RPS6KC1: variants seen among roughly 807,000 people sequenced by gnomAD.
The protein encoded by RPS6KC1 is inactive ribosomal protein S6 kinase delta-1.
A neutral mutation model predicts 103.8 loss-of-function variants in RPS6KC1; 54 were observed. The observed-to-expected ratio is 0.52, with a 90% CI of 0.42 to 0.65. The LOEUF (loss-of-function observed/expected upper bound fraction) is 0.65, where lower values mean the gene tolerates loss of function less well. Among genes scored for constraint, RPS6KC1 ranks in the 30% least tolerant of loss-of-function variants. RPS6KC1 has a pLI of 0.00. For synonymous variants in RPS6KC1, 439 were observed against 438.7 expected, an observed-to-expected ratio of 1.00 and a Z score of -0.01; for missense variants, 1,151 against 1,253.8, an observed-to-expected ratio of 0.92 and a Z score of 1.24.
the RPS6KC1 span, among the ~76,000 whole-genome samples, chr1:213,657,732 G>T: frequency 2.6e-5 from 4 of 152,190 alleles, no homozygotes; most frequent in Non-Finnish European, 4.4e-5. Flanking sequence ...ACAGTTTCAT[G>T]ATAAGTGGTT....
the RPS6KC1 span, among the ~76,000 whole-genome samples, chr1:213,659,480 C>T: frequency 2.6e-5 from 4 of 152,068 alleles, no homozygotes; most frequent in Non-Finnish European, 5.9e-5. Context: ...TCTATTAGTA[C>T]CAGTTACCAA....
the RPS6KC1 span, among the ~76,000 whole-genome samples, chr1:213,849,732 C>T: frequency 6.6e-5 from 10 of 152,124 alleles, no homozygotes; most frequent in Non-Finnish European, 1.5e-4. Flanking sequence ...CTATGTTTTA[C>T]TTTTCATGAA....
At chr1:213,733,550 T>TTG in the RPS6KC1 span, among the ~76,000 whole-genome samples, 1 of 150,032 alleles carries the variant, frequency 6.7e-6, no homozygotes, top group African/African-American at 2.5e-5. Context: ...TTTAGTTTGT[T>TTG]TTTTTTTTTT....
At chr1:213,141,937 G>A (rs1446597592) in intron 6 of RPS6KC1, among the ~76,000 whole-genome samples, 3 of 151,472 alleles carry the variant, frequency 2.0e-5, no homozygotes, top group Admixed American at 6.6e-5. Flanking sequence ...CTGATATTCT[G>A]CCTCAATTAT....
chr1:213,635,971 A>G, the RPS6KC1 span, among the ~76,000 whole-genome samples: 1 of 152,236 alleles, frequency 6.6e-6, no homozygotes. Flanking sequence ...CTATACACCA[A>G]TAACAGACAA....
At chr1:213,833,854 A>T in the RPS6KC1 span, among the ~76,000 whole-genome samples, 745 of 152,244 alleles carry the variant, frequency 4.9e-3, 8 homozygotes, top group African/African-American at 0.017. Context: ...AAAACTTTTG[A>T]GTCTCATTTA....
chr1:213,121,081 C>A lies in RPS6KC1; in HGVS notation c.472+3671C>A, dbSNP rs962879911. ...TAGCTGGGACTACAGGCAGGCACAA[C>A]CATGCCTGGCTAATTTTTCTTTTTA... On this transcript the variant is annotated intron_variant, in intron 5 of 14. Coordinates refer to ENST00000366960, the MANE Select transcript of RPS6KC1 (RefSeq NM_012424.6). 6.8e-4 allele frequency among the ~76,000 whole-genome samples: 103 copies of A among 152,092 alleles called. 9 individuals carry two copies.
At chr1:213,693,676 T>C in the RPS6KC1 span, among the ~76,000 whole-genome samples, 14 of 152,204 alleles carry the variant, frequency 9.2e-5, no homozygotes, top group African/African-American at 3.4e-4. Context: ...AGAATCGCTG[T>C]TGTTCATTGC....
intron 6 of RPS6KC1, among the ~76,000 whole-genome samples, chr1:213,161,130 G>A (rs899786650): frequency 6.6e-6 from 1 of 152,120 alleles, no homozygotes; most frequent in East Asian, 1.9e-4. Flanking sequence ...ATGACCATGT[G>A]CCTGGAACAT....
At chr1:213,731,100 G>A in the RPS6KC1 span, among the ~76,000 whole-genome samples, 1 of 151,860 alleles carries the variant, frequency 6.6e-6, no homozygotes, top group African/African-American at 2.4e-5. Context: ...TTATTTCTGG[G>A]TTCTCTATTG....
the RPS6KC1 span, among the ~76,000 whole-genome samples, chr1:213,507,096 G>C: frequency 2.1e-3 from 321 of 152,262 alleles, no homozygotes; most frequent in African/African-American, 7.4e-3. Flanking sequence ...ATCAATGAAC[G>C]TATCAGCATT....
At chr1:213,135,326 T>A (rs1257298047) in intron 6 of RPS6KC1, among the ~76,000 whole-genome samples, 1 of 152,188 alleles carries the variant, frequency 6.6e-6, no homozygotes, top group Non-Finnish European at 1.5e-5. Context: ...TTGGTATCTC[T>A]TGTGTATTTT....
At chr1:213,093,484 A>G (rs1216976458) in intron 3 of RPS6KC1, among the ~76,000 whole-genome samples, 15 of 152,184 alleles carry the variant, frequency 9.9e-5, no homozygotes, top group Admixed American at 9.8e-4. Flanking sequence ...TCCTGGGATT[A>G]CAAGTGTGAG....
chr1:213,543,950 A>T, the RPS6KC1 span, among the ~76,000 whole-genome samples: 2 of 152,238 alleles, frequency 1.3e-5, no homozygotes, highest in Non-Finnish European at 2.9e-5. Flanking sequence ...TGAAGGGCTA[A>T]GTAACCCATT....
At chr1:213,271,716 A>T (rs1363342939) in intron 14 of RPS6KC1, among the ~76,000 whole-genome samples, 1 of 145,104 alleles carries the variant, frequency 6.9e-6, no homozygotes, top group African/African-American at 2.6e-5. Flanking sequence ...GTGAGTCGAG[A>T]TCGCGCCACT....
the RPS6KC1 span, among the ~76,000 whole-genome samples, chr1:213,283,188 C>T: frequency 3.3e-5 from 5 of 152,082 alleles, no homozygotes; most frequent in Non-Finnish European, 5.9e-5. Flanking sequence ...AGGGACTCTG[C>T]GAAACTGAGG....
chr1:213,572,283 A>G, the RPS6KC1 span, among the ~76,000 whole-genome samples: 3 of 152,246 alleles, frequency 2.0e-5, no homozygotes, highest in Non-Finnish European at 1.5e-5. Context: ...CTCACTGATT[A>G]AATAAATGTG....
chr1:213,574,593 C>T, the RPS6KC1 span, among the ~76,000 whole-genome samples: 1 of 152,126 alleles, frequency 6.6e-6, no homozygotes, highest in Non-Finnish European at 1.5e-5. Context: ...TTACGTGAAA[C>T]ATTTATGAGA....
chr1:213,767,328 T>C, the RPS6KC1 span, among the ~76,000 whole-genome samples: 4 of 152,214 alleles, frequency 2.6e-5, no homozygotes, highest in African/African-American at 9.6e-5. Flanking sequence ...GTCTTCAGTA[T>C]CTTTGACCTC....
Sources: gnomAD v4.1 joint callset for allele counts (sites outside exome capture counted in the v4.1 genomes callset) on GRCh38, gnomAD v4.1.1 for gene constraint, MANE v1.5 for transcripts, NCBI Gene and HGNC (gene_info 2026-07-23, HGNC 2026-07-21) for gene names.